Variants in SLC25A48 observed in about 807,000 individuals in gnomAD.
The protein encoded by SLC25A48 is solute carrier family 25 member 48, also known as CTC-321K16.1.
A neutral mutation model predicts 32.2 loss-of-function variants in SLC25A48; 29 were observed. The ratio of observed to expected loss-of-function variants is 0.90; its 90% confidence interval spans 0.67 to 1.23. The LOEUF (loss-of-function observed/expected upper bound fraction) is 1.23. Ranked by LOEUF, SLC25A48 falls within the 50% of genes most tolerant of loss-of-function variation. The pLI is 0.00. For synonymous variants in SLC25A48, 164 were observed against 172.3 expected (o/e 0.95, Z 0.38); for missense variants, 399 against 422.7 (o/e 0.94, Z 0.49).
At chr5:135,637,623 G>T (rs1479680467) in intron 3 of SLC25A48, among the ~76,000 whole-genome samples, 2 of 152,166 alleles carry the variant, frequency 1.3e-5, no homozygotes, top group Non-Finnish European at 2.9e-5. Flanking sequence ...TTTCCATCGG[G>T]AGAGAAATGC....
intron 1 of SLC25A48, among the ~76,000 whole-genome samples, chr5:135,622,745 G>A (rs896490743): frequency 5.9e-5 from 9 of 152,288 alleles, no homozygotes; most frequent in African/African-American, 1.2e-4. Context: ...TTTGTGCGAT[G>A]TACATGTATT....
At chr5:135,702,576 G>C (rs754878030) in intron 3 of SLC25A48, among the ~76,000 whole-genome samples, 2 of 152,232 alleles carry the variant, frequency 1.3e-5, no homozygotes, top group Non-Finnish European at 2.9e-5. Context: ...TTAAGCCACA[G>C]GCAAAGTTTG....
chr5:135,676,896 T>G (rs1753784551), intron 3 of SLC25A48, among the ~76,000 whole-genome samples: 1 of 152,076 alleles, frequency 6.6e-6, no homozygotes, highest in Non-Finnish European at 1.5e-5. Context: ...TTTGAGAATG[T>G]TCCGTGTGCT....
chr5:135,850,612 C>A, intron 3 of SLC25A48, 116 bp downstream of exon 3: 1 of 914,678 alleles, frequency 1.1e-6, no homozygotes, highest in Admixed American at 2.3e-5. Flanking sequence ...GCTCTTCACA[C>A]TCAGCTTGAT....
chr5:135,579,196 GCACA>G (rs1481581903), upstream of SLC25A48: 1 of 291,576 alleles, frequency 3.4e-6, no homozygotes, highest in Non-Finnish European at 6.3e-6. Context: ...GCGCGCACAC[GCACA>G]CACACATCCG....
At chr5:135,852,481 C>T (rs372988699) in intron 3 of SLC25A48, 82 bp from the exon 4 acceptor site, 3 of 1,497,542 alleles carry the variant, frequency 2.0e-6, no homozygotes, top group African/African-American at 1.4e-5. Context: ...CAGATGTGTC[C>T]GGTGGTGTAC....
intron 1 of SLC25A48, among the ~76,000 whole-genome samples, chr5:135,616,150 A>C (rs1561759207): frequency 6.6e-6 from 1 of 152,230 alleles, no homozygotes; most frequent in Non-Finnish European, 1.5e-5. Flanking sequence ...GAGTACCTCT[A>C]CTAAGGCAAT....
At chr5:135,606,426 A>G (rs1751933390) in intron 1 of SLC25A48, among the ~76,000 whole-genome samples, 1 of 152,236 alleles carries the variant, frequency 6.6e-6, no homozygotes, top group South Asian at 2.1e-4. Context: ...TAAGTGGACA[A>G]ATAACTCCAC....
At chr5:135,868,818 C>T (rs559853915) in intron 4 of SLC25A48, among the ~76,000 whole-genome samples, 1 of 152,306 alleles carries the variant, frequency 6.6e-6, no homozygotes, top group East Asian at 1.9e-4. Context: ...TCCAAGCAGA[C>T]ACAATGTTAC....
chr5:135,794,701 C>T (rs11745158), intron 3 of SLC25A48, among the ~76,000 whole-genome samples: 102,477 of 150,134 alleles, frequency 0.68, 37,007 homozygotes, highest in Non-Finnish European at 0.81. Flanking sequence ...GAGAGGATGA[C>T]ATTACTTAAA....
intron 5 of SLC25A48, chr5:135,871,951 T>C: frequency 1.4e-6 from 2 of 1,454,830 alleles, no homozygotes; most frequent in South Asian, 1.7e-5. Flanking sequence ...AGGCAACAGA[T>C]ATATTTTGAA....
chr5:135,752,364 A>G (rs1755790728), intron 3 of SLC25A48, among the ~76,000 whole-genome samples: 1 of 152,222 alleles, frequency 6.6e-6, no homozygotes, highest in Admixed American at 6.5e-5. Flanking sequence ...TGAGGCCAGG[A>G]GTTCGAGACC....
At chr5:135,801,463 T>A (rs1757325146) in intron 3 of SLC25A48, among the ~76,000 whole-genome samples, 1 of 150,902 alleles carries the variant, frequency 6.6e-6, no homozygotes, top group Non-Finnish European at 1.5e-5. Context: ...GGCGAGAGGA[T>A]GATATTACTC....
intron 3 of SLC25A48, among the ~76,000 whole-genome samples, chr5:135,753,264 A>G (rs1374150257): frequency 2.6e-5 from 4 of 152,026 alleles, no homozygotes; most frequent in Admixed American, 6.6e-5. Flanking sequence ...GCATAATATC[A>G]CAGGGTGTAC....
At chr5:135,849,092 A>T (rs1457268130) in intron 2 of SLC25A48, among the ~76,000 whole-genome samples, 1 of 152,248 alleles carries the variant, frequency 6.6e-6, no homozygotes, top group Non-Finnish European at 1.5e-5. Context: ...TTATCGTAGG[A>T]AAGTTGGAAA....
intron 1 of SLC25A48, among the ~76,000 whole-genome samples, chr5:135,622,699 A>G (rs983920976): frequency 6.6e-6 from 1 of 152,246 alleles, no homozygotes; most frequent in Non-Finnish European, 1.5e-5. Flanking sequence ...AGATTTGAGC[A>G]ATTTTATGTT....
At chr5:135,697,643 G>T (rs546042442) in intron 3 of SLC25A48, among the ~76,000 whole-genome samples, 2 of 152,136 alleles carry the variant, frequency 1.3e-5, no homozygotes, top group African/African-American at 2.4e-5. Context: ...CCTACATAAC[G>T]GGAAGGTAGA....
At chr5:135,829,940 A>G (rs558509483), upstream of SLC25A48, among the ~76,000 whole-genome samples, 1 of 152,174 alleles carries the variant, frequency 6.6e-6, no homozygotes, top group Non-Finnish European at 1.5e-5. Context: ...AGCATGCAGC[A>G]CTGGGCCAGC....
chr5:135,683,624 A>C (rs1340044600), intron 3 of SLC25A48, among the ~76,000 whole-genome samples: 1 of 152,178 alleles, frequency 6.6e-6, no homozygotes, highest in Admixed American at 6.5e-5. Flanking sequence ...CAAGGCACTC[A>C]AGGCCAGGCT....
Sources: gnomAD v4.1 joint callset for allele counts (sites outside exome capture counted in the v4.1 genomes callset) on GRCh38, gnomAD v4.1.1 for gene constraint, MANE v1.5 for transcripts, NCBI Gene and HGNC (gene_info 2026-07-23, HGNC 2026-07-21) for gene names.